Variants in NSMCE2 observed in about 807,000 individuals in gnomAD.
The protein encoded by NSMCE2 is E3 SUMO-protein ligase NSE2.
A neutral mutation model predicts 23.8 loss-of-function variants in NSMCE2; 24 were observed. The observed-to-expected ratio is 1.01, with a 90% CI of 0.73 to 1.42. The LOEUF (loss-of-function observed/expected upper bound fraction) is 1.42. Ranked by LOEUF, NSMCE2 falls within the 40% of genes most tolerant of loss-of-function variation. The probability of loss-of-function intolerance (pLI) is 0.00; values close to 1 mark genes in which losing one functional copy is unlikely to be tolerated. For synonymous variants in NSMCE2, 92 were observed against 94.1 expected, an observed-to-expected ratio of 0.98 and a Z score of 0.13; for missense variants, 284 against 296.5, an observed-to-expected ratio of 0.96 and a Z score of 0.31.
chr8:125,300,935 A>G (rs911041544), intron 5 of NSMCE2, among the ~76,000 whole-genome samples: 2 of 152,190 alleles, frequency 1.3e-5, no homozygotes, highest in Admixed American at 1.3e-4. Context: ...GAATCATCCT[A>G]CCTAACCAGT....
chr8:125,343,368 G>A (rs999086454), intron 5 of NSMCE2, among the ~76,000 whole-genome samples: 6 of 152,118 alleles, frequency 3.9e-5, no homozygotes, highest in African/African-American at 1.4e-4. Flanking sequence ...TATGATATCA[G>A]GTCTAGATTT....
chr8:125,297,184 G>C (rs1186357432), intron 5 of NSMCE2, among the ~76,000 whole-genome samples: 1 of 152,090 alleles, frequency 6.6e-6, no homozygotes, highest in Non-Finnish European at 1.5e-5. Context: ...TTTTAGTCAA[G>C]GTAAATGTCT....
chr8:125,138,413 G>A (rs186562932), intron 3 of NSMCE2, among the ~76,000 whole-genome samples: 196 of 151,588 alleles, frequency 1.3e-3, no homozygotes, highest in African/African-American at 4.4e-3. Context: ...TTTAGTAGAG[G>A]TGGGGTCATG....
At chr8:125,118,972 A>G (rs1274313231) in intron 3 of NSMCE2, among the ~76,000 whole-genome samples, 1 of 152,220 alleles carries the variant, frequency 6.6e-6, no homozygotes, top group African/African-American at 2.4e-5. Flanking sequence ...AGACTTATAC[A>G]TATTGTGCGC....
At chr8:125,284,379 A>G (rs1195408848) in intron 5 of NSMCE2, among the ~76,000 whole-genome samples, 3 of 152,062 alleles carry the variant, frequency 2.0e-5, no homozygotes, top group Non-Finnish European at 4.4e-5. Flanking sequence ...CACTTCAGAG[A>G]AGGAGGGATT....
Position 125,257,597 on chromosome 8 carries a change from G to A in NSMCE2, c.418+75341G>A, listed in dbSNP as rs1468246077. Reference sequence around the variant, plus strand: ...CGCCCAGGCTGGAGTGCAGTGGCGCGATCTCAGCTCACTGCAAGCTCCGCC... The same window carrying A: ...CGCCCAGGCTGGAGTGCAGTGGCGCAATCTCAGCTCACTGCAAGCTCCGCC... On this transcript the variant is annotated intron_variant, in intron 5 of 7. Transcript: ENST00000287437. Among the ~76,000 whole-genome samples, 3 of 134,568 alleles carry A rather than the reference G, an allele frequency of 2.2e-5. No individual in the cohort carries two copies. In the South Asian group the frequency reaches 7.3e-4, roughly 33 times the overall value. 88.3% of individuals were successfully genotyped at this position (134,568 alleles called of 152,430 possible).
At chr8:125,197,985 C>T (rs142112081) in intron 5 of NSMCE2, among the ~76,000 whole-genome samples, 13 of 151,628 alleles carry the variant, frequency 8.6e-5, no homozygotes, top group Non-Finnish European at 1.8e-4. Context: ...TGATTTGGGT[C>T]TCTGTCTGTT....
chr8:125,100,389 C>G (rs1204318213), intron 1 of NSMCE2, among the ~76,000 whole-genome samples: 1 of 151,588 alleles, frequency 6.6e-6, no homozygotes, highest in Admixed American at 6.6e-5. Flanking sequence ...GTCTTTTATC[C>G]TTTAAACTCA....
chr8:125,182,436 C>G, intron 5 of NSMCE2, 180 bp downstream of exon 5: 1 of 615,858 alleles, frequency 1.6e-6, no homozygotes, highest in Non-Finnish European at 2.9e-6. Flanking sequence ...TCAAATCAGC[C>G]TGCTCATTTC....
chr8:125,322,022 T>C (rs1172499949), intron 5 of NSMCE2, among the ~76,000 whole-genome samples: 2 of 152,218 alleles, frequency 1.3e-5, no homozygotes, highest in African/African-American at 4.8e-5. Flanking sequence ...TCAATATTTT[T>C]TTGTTTATTT....
chr8:125,214,775 A>G (rs1255766234), intron 5 of NSMCE2, among the ~76,000 whole-genome samples: 1 of 152,058 alleles, frequency 6.6e-6, no homozygotes, highest in Non-Finnish European at 1.5e-5. Flanking sequence ...CATTTTTTAC[A>G]TTAGGTTTAT....
intron 5 of NSMCE2, among the ~76,000 whole-genome samples, chr8:125,294,309 G>A (rs1828237799): frequency 6.6e-6 from 1 of 152,038 alleles, no homozygotes; most frequent in Admixed American, 6.6e-5. Flanking sequence ...CATTTCTCGT[G>A]GTATTTATCT....
intron 5 of NSMCE2, among the ~76,000 whole-genome samples, chr8:125,249,295 G>A (rs1019166801): frequency 6.6e-6 from 1 of 152,240 alleles, no homozygotes; most frequent in South Asian, 2.1e-4. Flanking sequence ...TCCTTAAGAT[G>A]AATTCAGAGA....
At chr8:125,119,916 A>G (rs1442299788) in intron 3 of NSMCE2, among the ~76,000 whole-genome samples, 2 of 152,068 alleles carry the variant, frequency 1.3e-5, no homozygotes, top group Non-Finnish European at 2.9e-5. Context: ...AAGCATTATT[A>G]TTTATATATG....
At chr8:125,349,956 A>T (rs991475308) in intron 5 of NSMCE2, among the ~76,000 whole-genome samples, 1 of 152,172 alleles carries the variant, frequency 6.6e-6, no homozygotes, top group South Asian at 2.1e-4. Context: ...GGATGTGTGT[A>T]TGTGTTTGTG....
intron 3 of NSMCE2, among the ~76,000 whole-genome samples, chr8:125,119,572 A>G (rs1299359039): frequency 6.6e-6 from 1 of 152,248 alleles, no homozygotes; most frequent in Non-Finnish European, 1.5e-5. Flanking sequence ...TTAAAATTAG[A>G]CTAGCACTTT....
rs564327400 is a variant in NSMCE2 at position 125,345,029 on chromosome 8, TAAA to T, written c.419-12177_419-12175del. On this transcript the variant is annotated intron_variant, in intron 5 of 7. Transcript: ENST00000287437. The stretch of plus-strand genomic sequence containing the variant: ...CCCACCTTGGTAAAGTCAACAAACT[TAAA>T]AAAAAAAAAAAACCTCCACATTTTT... 6.8e-3 allele frequency among the ~76,000 whole-genome samples: 907 copies of T among 133,264 alleles called. 8 individuals carry two copies. Among genetic ancestry groups the T allele is most frequent in the African/African-American group, 0.024 (882 of 36,256 alleles). 87.4% of individuals were successfully genotyped at this position (133,264 alleles called of 152,430 possible).
At chr8:125,310,161 A>G (rs1485651776) in intron 5 of NSMCE2, among the ~76,000 whole-genome samples, 1 of 152,194 alleles carries the variant, frequency 6.6e-6, no homozygotes, top group Non-Finnish European at 1.5e-5. Flanking sequence ...TACTTGACAC[A>G]TTTTGCTAGA....
chr8:125,093,552 ATAAATAAG>A (rs1328863827), intron 1 of NSMCE2, among the ~76,000 whole-genome samples: 1 of 151,760 alleles, frequency 6.6e-6, no homozygotes, highest in Non-Finnish European at 1.5e-5. Flanking sequence ...AAATAAATAA[ATAAATAAG>A]TAAATAAATA....
Sources: allele counts gnomAD v4.1 joint callset (sites outside exome capture counted in the v4.1 genomes callset), GRCh38; gene constraint gnomAD v4.1.1; transcripts MANE v1.5; gene names NCBI Gene and HGNC (gene_info 2026-07-23, HGNC 2026-07-21).